The following RBM45 variants were observed in gnomAD, a reference collection of about 807,000 sequenced individuals.
The protein encoded by RBM45 is RNA-binding protein 45.
RBM45 carries 39 observed loss-of-function variants against 58.5 expected under a neutral mutation model. That is an observed-to-expected ratio of 0.67 (90% CI 0.52 to 0.87). The LOEUF (loss-of-function observed/expected upper bound fraction) is 0.87. RBM45 is among the 40% of genes least tolerant of loss of function. The probability of loss-of-function intolerance (pLI) is 0.00; values close to 1 mark genes in which losing one functional copy is unlikely to be tolerated. For missense variants in RBM45, 481 were observed against 581.6 expected, an observed-to-expected ratio of 0.83 and a Z score of 1.78; for synonymous variants, 193 against 203.0, an observed-to-expected ratio of 0.95 and a Z score of 0.42.
At chr2:178,138,648 G>C (rs1450892565) in exon 4 of RBM45, 1 of 151,912 alleles carries the variant, frequency 6.6e-6, no homozygotes, top group Non-Finnish European at 1.5e-5. Flanking sequence ...CTCCCAAAAT[G>C]AATCAAAATT....
downstream of RBM45, among the ~76,000 whole-genome samples, chr2:178,134,231 G>A (rs1439296048): frequency 6.6e-6 from 1 of 152,182 alleles, no homozygotes; most frequent in African/African-American, 2.4e-5. Flanking sequence ...TGCAGAAGTG[G>A]CAGAAGGAAG....
At chr2:178,119,476 C>T (rs1372380965) in intron 3 of RBM45, among the ~76,000 whole-genome samples, 2 of 152,170 alleles carry the variant, frequency 1.3e-5, no homozygotes, top group African/African-American at 2.4e-5. Flanking sequence ...ACACAGTTAA[C>T]TAGGTACATT....
chr2:178,135,159 G>C (rs2088035377), intron 3 of RBM45, among the ~76,000 whole-genome samples: 1 of 152,176 alleles, frequency 6.6e-6, no homozygotes, highest in Non-Finnish European at 1.5e-5. Context: ...ACAAGTGCCA[G>C]CGTGACCATT....
intron 9 of RBM45, among the ~76,000 whole-genome samples, chr2:178,128,740 G>A (rs2087968644): frequency 6.6e-6 from 1 of 152,164 alleles, no homozygotes; most frequent in Admixed American, 6.5e-5. Flanking sequence ...ACACGGTTTT[G>A]AATTTCTTCT....
At chr2:178,130,405 G>A (rs2087993993), downstream of RBM45, among the ~76,000 whole-genome samples, 1 of 152,050 alleles carries the variant, frequency 6.6e-6, no homozygotes, top group Non-Finnish European at 1.5e-5. Flanking sequence ...TGTGCCTGCA[G>A]TCCCAGCTAC....
intron 9 of RBM45, 24 bp downstream of exon 9, chr2:178,126,208 T>G: frequency 6.7e-7 from 1 of 1,495,642 alleles, no homozygotes; most frequent in South Asian, 1.2e-5. Flanking sequence ...AATCTGAATT[T>G]TAAAACATAT....
intron 4 of RBM45, 112 bp from the exon 5 acceptor site, chr2:178,121,068 A>G: frequency 2.0e-6 from 1 of 512,772 alleles, no homozygotes; most frequent in Non-Finnish European, 3.4e-6. Context: ...GTACTACAAA[A>G]TACAGTGCCT....
At chr2:178,118,451 G>GT (rs1199910858) in intron 3 of RBM45, among the ~76,000 whole-genome samples, 4 of 151,978 alleles carry the variant, frequency 2.6e-5, no homozygotes, top group Non-Finnish European at 5.9e-5. Context: ...GGTTTTTAGG[G>GT]TTTTTTAAGT....
intron 2 of RBM45, among the ~76,000 whole-genome samples, chr2:178,117,808 G>A (rs917402168): frequency 6.6e-6 from 1 of 152,214 alleles, no homozygotes; most frequent in Non-Finnish European, 1.5e-5. Flanking sequence ...AGACTTTGGA[G>A]CTATCCAGAC....
At chr2:178,123,685 C>A (rs1182930350) in intron 6 of RBM45, 34 bp downstream of exon 6, 1 of 1,587,180 alleles carries the variant, frequency 6.3e-7, no homozygotes, top group East Asian at 2.2e-5. Flanking sequence ...TAAAGCCGAG[C>A]TTTGAGTGTA....
At chr2:178,133,452 C>T (rs569522149), downstream of RBM45, among the ~76,000 whole-genome samples, 2 of 151,980 alleles carry the variant, frequency 1.3e-5, no homozygotes, top group Non-Finnish European at 2.9e-5. Context: ...TTATCATTGT[C>T]AAAAAAACTG....
rs201379634 is a variant in RBM45, at chr2:178,124,178, G to A, written c.1120G>A (p.Val374Ile). The stretch of plus-strand genomic sequence containing the variant: ...GTTGCCTCAAATCCAGACAGATGTT[G>A]TACTTCCATCATGCAAAAAAAAAGC... Reference protein sequence around the residue: ...SQLPQIQTDVVLPSCKKKAPA... With the variant: ...SQLPQIQTDVILPSCKKKAPA... The change falls in exon 8 of 10, where the codon GTA becomes ATA. Residue 374 changes from valine to isoleucine, a missense_variant. By Grantham distance (29) the Val-to-Ile change is conservative. Transcript: ENST00000286070. The A allele has an allele frequency of 7.5e-6, 12 of 1,610,326 alleles. No homozygotes were observed. In the African/African-American group the frequency reaches 8.0e-5, roughly 11 times the overall value.
chr2:178,126,301 G>T (rs2087928767), intron 9 of RBM45, 117 bp downstream of exon 9: 3 of 526,914 alleles, frequency 5.7e-6, no homozygotes, highest in African/African-American at 3.9e-5. Context: ...AGTTAAAAGA[G>T]CTTTGCAACT....
chr2:178,138,411 CAAT>C (rs2088062122), exon 4 of RBM45: 1 of 152,094 alleles, frequency 6.6e-6, no homozygotes, highest in African/African-American at 2.4e-5. Flanking sequence ...TCCCAATAAA[CAAT>C]AACTCGTTTT....
chr2:178,132,631 C>T (rs916966723), downstream of RBM45, among the ~76,000 whole-genome samples: 3 of 152,120 alleles, frequency 2.0e-5, no homozygotes, highest in African/African-American at 7.2e-5. Flanking sequence ...ACTCTTGTTG[C>T]CCAGGCTGGA....
chr2:178,115,579 T>C (rs1444361377), intron 1 of RBM45, among the ~76,000 whole-genome samples: 2 of 152,184 alleles, frequency 1.3e-5, no homozygotes, highest in Non-Finnish European at 2.9e-5. Flanking sequence ...TCTCTAACAC[T>C]GTGGTTTTCT....
intron 6 of RBM45, 81 bp downstream of exon 6, chr2:178,123,732 A>C: frequency 6.3e-7 from 1 of 1,590,608 alleles, no homozygotes. Context: ...AAATAGAAAC[A>C]ATTGACCTCT....
intron 1 of RBM45, among the ~76,000 whole-genome samples, chr2:178,114,112 G>A (rs2087738857): frequency 6.6e-6 from 1 of 152,174 alleles, no homozygotes; most frequent in African/African-American, 2.4e-5. Flanking sequence ...GTAAAGGGCT[G>A]ACTAGTAAAT....
intron 1 of RBM45, among the ~76,000 whole-genome samples, chr2:178,114,441 T>C (rs1197923431): frequency 6.6e-6 from 1 of 152,184 alleles, no homozygotes; most frequent in Non-Finnish European, 1.5e-5. Context: ...AACACCGAAA[T>C]GTACCCTCTC....
Sources: gnomAD v4.1 joint callset for allele counts (sites outside exome capture counted in the v4.1 genomes callset) on GRCh38, gnomAD v4.1.1 for gene constraint, MANE v1.5 for transcripts, NCBI Gene and HGNC (gene_info 2026-07-23, HGNC 2026-07-21) for gene names.